Variants in TENM3 observed in about 807,000 individuals in gnomAD.
TENM3 encodes teneurin-3.
TENM3 carries 63 observed loss-of-function variants against 255.1 expected under a neutral mutation model. The ratio of observed to expected loss-of-function variants is 0.25; its 90% confidence interval spans 0.20 to 0.30. TENM3 has a LOEUF of 0.30. Among genes scored for constraint, TENM3 ranks in the 10% least tolerant of loss-of-function variants. The pLI, the probability that TENM3 is intolerant of heterozygous loss-of-function variation, is 1.00. For synonymous variants in TENM3, 1,306 were observed against 1,322.3 expected (o/e 0.99, Z 0.27); for missense variants, 2,929 against 3,461.1 (o/e 0.85, Z 3.86).
the TENM3 span, among the ~76,000 whole-genome samples, chr4:182,123,777 C>A: frequency 6.6e-6 from 1 of 152,168 alleles, no homozygotes; most frequent in African/African-American, 2.4e-5. Context: ...TACCATTAGA[C>A]TTACTCGACT....
At chr4:181,707,058 T>C in the TENM3 span, among the ~76,000 whole-genome samples, 3 of 152,168 alleles carry the variant, frequency 2.0e-5, no homozygotes, top group Non-Finnish European at 4.4e-5. Flanking sequence ...CATACTGTTA[T>C]ATTCTCCAGG....
chr4:181,959,172 C>A, the TENM3 span, among the ~76,000 whole-genome samples: 1 of 152,098 alleles, frequency 6.6e-6, no homozygotes. Flanking sequence ...AACTCAAATG[C>A]CATTTCCTCT....
At chr4:182,258,136 A>G (rs919051988) in intron 1 of TENM3, among the ~76,000 whole-genome samples, 1 of 152,208 alleles carries the variant, frequency 6.6e-6, no homozygotes, top group Non-Finnish European at 1.5e-5. Flanking sequence ...AATCATGTAT[A>G]TAGCATATAC....
the TENM3 span, among the ~76,000 whole-genome samples, chr4:181,733,693 G>T: frequency 6.6e-6 from 1 of 152,158 alleles, no homozygotes; most frequent in African/African-American, 2.4e-5. Context: ...TTGGGGAAAG[G>T]AGAGGCTCCA....
chr4:181,947,141 G>T, the TENM3 span, among the ~76,000 whole-genome samples: 1 of 152,150 alleles, frequency 6.6e-6, no homozygotes, highest in African/African-American at 2.4e-5. Flanking sequence ...TGTGAGTCAG[G>T]CACAGAAGCT....
intron 2 of TENM3, among the ~76,000 whole-genome samples, chr4:182,333,522 A>T (rs1381822894): frequency 6.6e-6 from 1 of 152,162 alleles, no homozygotes; most frequent in Admixed American, 6.5e-5. Flanking sequence ...TTTGGAAAAA[A>T]TTTAGAAAGG....
chr4:181,758,976 T>C, the TENM3 span, among the ~76,000 whole-genome samples: 1 of 152,208 alleles, frequency 6.6e-6, no homozygotes, highest in Non-Finnish European at 1.5e-5. Flanking sequence ...ACTCATGTTT[T>C]ACAAAAATTG....
At chr4:182,379,200 T>C (rs1767395167) in intron 3 of TENM3, among the ~76,000 whole-genome samples, 1 of 151,906 alleles carries the variant, frequency 6.6e-6, no homozygotes, top group South Asian at 2.1e-4. Context: ...CTAAAAGAAA[T>C]ACAAAAATTA....
At chr4:181,580,117 C>A in the TENM3 span, among the ~76,000 whole-genome samples, 171 of 152,146 alleles carry the variant, frequency 1.1e-3, no homozygotes, top group African/African-American at 4.0e-3. Context: ...CCTGCCTCAG[C>A]CTCCTGAGTA....
At chr4:181,613,274 T>C in the TENM3 span, among the ~76,000 whole-genome samples, 1 of 152,198 alleles carries the variant, frequency 6.6e-6, no homozygotes, top group Non-Finnish European at 1.5e-5. Flanking sequence ...GTGTTTTAAA[T>C]ATTTGAGACA....
chr4:182,405,296 T>C (rs1013454229), intron 3 of TENM3, among the ~76,000 whole-genome samples: 2 of 152,204 alleles, frequency 1.3e-5, no homozygotes, highest in African/African-American at 4.8e-5. Flanking sequence ...TCACAGTAGA[T>C]GTTGCGTAAT....
chr4:181,979,119 T>C, the TENM3 span, among the ~76,000 whole-genome samples: 1 of 84,650 alleles, frequency 1.2e-5, no homozygotes, highest in African/African-American at 4.7e-5. Context: ...TATATATATA[T>C]ATATATATAT....
upstream of TENM3, among the ~76,000 whole-genome samples, chr4:182,240,907 T>A (rs2150063860): frequency 6.6e-6 from 1 of 152,326 alleles, no homozygotes; most frequent in East Asian, 1.9e-4. Context: ...CTGAGGCCCC[T>A]GGGCAGGATG....
chr4:181,796,294 C>T, the TENM3 span, among the ~76,000 whole-genome samples: 1 of 152,144 alleles, frequency 6.6e-6, no homozygotes, highest in Non-Finnish European at 1.5e-5. Flanking sequence ...CCGACAAGTG[C>T]CCTGTCCTCA....
chr4:182,225,281 C>A (rs1756082510), intron 1 of TENM3, among the ~76,000 whole-genome samples: 1 of 152,056 alleles, frequency 6.6e-6, no homozygotes, highest in South Asian at 2.1e-4. Flanking sequence ...TCACAGTCAT[C>A]CCTGAGAAGA....
At chr4:182,617,736 T>G (rs1241448456) in intron 4 of TENM3, among the ~76,000 whole-genome samples, 1 of 152,210 alleles carries the variant, frequency 6.6e-6, no homozygotes, top group Admixed American at 6.5e-5. Context: ...TTACTTTTTA[T>G]CGATTTACCT....
the TENM3 span, among the ~76,000 whole-genome samples, chr4:181,676,842 A>T: frequency 1.1e-4 from 17 of 152,144 alleles, no homozygotes; most frequent in African/African-American, 4.1e-4. Context: ...AAAGTGACCA[A>T]TGCGATCCAG....
the TENM3 span, among the ~76,000 whole-genome samples, chr4:181,602,416 G>A: frequency 5.9e-5 from 9 of 152,128 alleles, no homozygotes; most frequent in African/African-American, 1.9e-4. Context: ...TTCTTGCATC[G>A]TAGTTAGTAT....
chr4:182,794,080 C>T (rs1269280907), intron 26 of TENM3, among the ~76,000 whole-genome samples, 195 bp downstream of exon 26: 1 of 152,126 alleles, frequency 6.6e-6, no homozygotes, highest in Non-Finnish European at 1.5e-5. Context: ...TATTTACTTC[C>T]TATTCTGCCT....
Sources: allele counts gnomAD v4.1 joint callset (sites outside exome capture counted in the v4.1 genomes callset), GRCh38; gene constraint gnomAD v4.1.1; transcripts MANE v1.5; gene names NCBI Gene and HGNC (gene_info 2026-07-23, HGNC 2026-07-21).